The following LPIN2 variants were observed in gnomAD, a reference collection of about 807,000 sequenced individuals.
LPIN2 encodes lipin 2, also known as phosphatidate phosphatase LPIN2.
Under a neutral mutation model 111.4 loss-of-function variants are expected in LPIN2, and 55 were observed. The ratio of observed to expected loss-of-function variants is 0.49; its 90% CI spans 0.40 to 0.62. The LOEUF is 0.62. Among genes scored for constraint, LPIN2 ranks in the 20% least tolerant of loss-of-function variants. The pLI, the probability that LPIN2 is intolerant of heterozygous loss-of-function variation, is 0.00. For missense variants in LPIN2, 992 were observed against 1,112.1 expected (o/e 0.89, Z 1.54); for synonymous variants, 425 against 414.0 (o/e 1.03, Z -0.32).
intron 1 of LPIN2, among the ~76,000 whole-genome samples, chr18:2,970,342 C>T (rs943576568): frequency 6.6e-6 from 1 of 152,210 alleles, no homozygotes; most frequent in African/African-American, 2.4e-5. Context: ...TATCTGCTGG[C>T]TGACAGGGGT....
intron 1 of LPIN2, among the ~76,000 whole-genome samples, chr18:3,003,699 A>G (rs1026466595): frequency 2.0e-5 from 3 of 152,166 alleles, no homozygotes; most frequent in South Asian, 2.1e-4. Context: ...AATGTACGTC[A>G]CCTCAGGACC....
In LPIN2 at chr18:2,917,812, C is replaced by CT. The variant is rs1388916675; in HGVS notation, c.*2480_*2481insA. ...ACTGAACTGCAAAGAGGGAAAGGGC[C>CT]ATTTCACCAATGGAGTAACTGAGAG... On this transcript the variant is annotated 3_prime_UTR_variant, in exon 20 of 20. Transcript: ENST00000677752. 1 of 152,106 alleles carries CT rather than the reference C, an allele frequency of 6.6e-6. No homozygotes were observed. Among genetic ancestry groups the CT allele is most frequent in the Non-Finnish European group, 1.5e-5 (1 of 68,038 alleles). The allele number at this position is 152,106 out of a possible 1,614,324, so 9.4% of individuals were successfully genotyped here. A position where few individuals can be genotyped will look rare whatever the true frequency, so the allele number is the denominator to read the frequency against.
intron 12 of LPIN2, among the ~76,000 whole-genome samples, chr18:2,927,072 C>T (rs1235925659): frequency 1.3e-5 from 2 of 152,314 alleles, no homozygotes; most frequent in African/African-American, 2.4e-5. Flanking sequence ...ATAATACAAG[C>T]GACCCAAACT....
At chr18:3,001,475 A>C (rs1157576394) in intron 1 of LPIN2, among the ~76,000 whole-genome samples, 1 of 152,244 alleles carries the variant, frequency 6.6e-6, no homozygotes, top group Non-Finnish European at 1.5e-5. Flanking sequence ...TTAGCCATGA[A>C]AATATAAACA....
At chr18:2,921,930 G>A (rs1475349789) in intron 17 of LPIN2, 117 bp downstream of exon 17, 2 of 1,361,246 alleles carry the variant, frequency 1.5e-6, no homozygotes, top group Non-Finnish European at 2.0e-6. Context: ...CCAAAGAACT[G>A]GGAGAGGCGT....
intron 18 of LPIN2, 129 bp from the exon 19 acceptor site, chr18:2,921,010 A>G (rs1256997394): frequency 2.8e-6 from 2 of 724,742 alleles, no homozygotes; most frequent in Non-Finnish European, 2.5e-6. Context: ...GGCACAGTGC[A>G]GTTGCCACCA....
intron 16 of LPIN2, 126 bp downstream of exon 16, chr18:2,923,649 G>A (rs2077088909): frequency 2.4e-6 from 2 of 847,828 alleles, no homozygotes; most frequent in Non-Finnish European, 4.0e-6. Flanking sequence ...AAGGAGTGAG[G>A]AAGAGCGGGA....
intron 1 of LPIN2, among the ~76,000 whole-genome samples, chr18:2,967,893 T>C (rs1237311064): frequency 2.0e-5 from 3 of 152,154 alleles, no homozygotes; most frequent in Non-Finnish European, 4.4e-5. Flanking sequence ...AAACAAGAAA[T>C]AGAAAATAGC....
At chr18:2,943,757 C>T (rs892566461) in intron 4 of LPIN2, among the ~76,000 whole-genome samples, 2 of 152,180 alleles carry the variant, frequency 1.3e-5, no homozygotes, top group African/African-American at 2.4e-5. Context: ...GTGGGTCCAA[C>T]TTTCACTGCC....
At chr18:2,920,699 G>A (rs933261998) in intron 19 of LPIN2, 79 bp downstream of exon 19, 52 of 1,084,164 alleles carry the variant, frequency 4.8e-5, no homozygotes, top group Non-Finnish European at 7.0e-5. Flanking sequence ...AGGATCAGGG[G>A]GAAAAGGACA....
rs760392140 is a variant in LPIN2, at chr18:2,940,562, T to C, written c.698+43A>G. 96 of 1,163,646 alleles carry C rather than the reference T, an allele frequency of 8.2e-5. No homozygotes were observed. In the South Asian group the frequency reaches 1.1e-3, roughly 13 times the overall value. The allele number at this position is 1,163,646 out of a possible 1,614,324, so 72.1% of individuals were successfully genotyped here. On this transcript the variant is annotated intron_variant, in intron 5 of 19. Transcript: ENST00000677752. ...TAACAGAAAAGCTAATTAATACATC[T>C]CCTTCCTCTTTCAAGAAACCAAGAA...
intron 2 of LPIN2, among the ~76,000 whole-genome samples, chr18:2,959,944 G>A (rs541413559): frequency 2.6e-5 from 4 of 152,198 alleles, no homozygotes; most frequent in East Asian, 3.9e-4. Flanking sequence ...CGAAGCCGGT[G>A]GATCACTTGA....
At chr18:2,929,417 C>A (rs550464787) in intron 9 of LPIN2, among the ~76,000 whole-genome samples, 12 of 151,726 alleles carry the variant, frequency 7.9e-5, no homozygotes, top group Middle Eastern at 3.4e-3. Flanking sequence ...CAGAGACTTT[C>A]AAAAAAAATA....
chr18:2,958,091 G>A (rs1320325658), intron 2 of LPIN2, among the ~76,000 whole-genome samples: 1 of 121,366 alleles, frequency 8.2e-6, no homozygotes, highest in African/African-American at 3.1e-5. Context: ...GCAGTGAGCA[G>A]AGATCGCCCC....
chr18:2,973,708 G>T (rs1272091390), intron 1 of LPIN2, among the ~76,000 whole-genome samples: 2 of 152,124 alleles, frequency 1.3e-5, no homozygotes, highest in African/African-American at 4.8e-5. Context: ...TCAGATTTTG[G>T]AATATTTGCA....
At chr18:2,936,690 C>T (rs190290474) in intron 7 of LPIN2, among the ~76,000 whole-genome samples, 229 of 152,302 alleles carry the variant, frequency 1.5e-3, no homozygotes, top group African/African-American at 5.2e-3. Flanking sequence ...AGCGATCTTC[C>T]CACCTCAGCC....
chr18:2,960,495 G>A, intron 2 of LPIN2, 154 bp downstream of exon 2: 1 of 723,204 alleles, frequency 1.4e-6, no homozygotes, highest in Non-Finnish European at 2.4e-6. Flanking sequence ...TCGTAACATT[G>A]TCTCAACATC....
chr18:2,968,653 G>A (rs2077849428), intron 1 of LPIN2, among the ~76,000 whole-genome samples: 1 of 152,090 alleles, frequency 6.6e-6, no homozygotes, highest in Non-Finnish European at 1.5e-5. Context: ...ATGTGTAAAG[G>A]GCTGAACAGA....
intron 1 of LPIN2, among the ~76,000 whole-genome samples, chr18:2,969,871 G>A (rs751362375): frequency 6.6e-6 from 1 of 152,196 alleles, no homozygotes; most frequent in African/African-American, 2.4e-5. Flanking sequence ...AGTTTGTTAT[G>A]AAGACTAAGT....
Sources: gnomAD v4.1 joint callset for allele counts (sites outside exome capture counted in the v4.1 genomes callset) on GRCh38, gnomAD v4.1.1 for gene constraint, MANE v1.5 for transcripts, NCBI Gene and HGNC (gene_info 2026-07-23, HGNC 2026-07-21) for gene names.